The following LRP1B variants were observed in gnomAD, a reference collection of about 807,000 sequenced individuals.
The protein encoded by LRP1B is low-density lipoprotein receptor-related protein 1B.
Under a neutral mutation model 556.6 loss-of-function variants are expected in LRP1B, and 217 were observed. The ratio of observed to expected loss-of-function variants is 0.39; its 90% confidence interval spans 0.35 to 0.44. The LOEUF is 0.44. Ranked by LOEUF, LRP1B falls within the 20% of genes least tolerant of loss-of-function variation. The probability of loss-of-function intolerance (pLI) is 1.00; values close to 1 mark genes in which losing one functional copy is unlikely to be tolerated. For missense variants in LRP1B, 5,053 were observed against 5,620.8 expected, an observed-to-expected ratio of 0.90 and a Z score of 3.23; for synonymous variants, 2,047 against 1,865.8, an observed-to-expected ratio of 1.10 and a Z score of -2.50.
At chr2:141,633,166 A>T (rs2105351954) in intron 2 of LRP1B, among the ~76,000 whole-genome samples, 1 of 152,254 alleles carries the variant, frequency 6.6e-6, no homozygotes, top group South Asian at 2.1e-4. Context: ...TAAACACAGA[A>T]AAACTGCATA....
At chr2:141,851,218 G>C (rs778191898) in intron 1 of LRP1B, among the ~76,000 whole-genome samples, 2 of 151,742 alleles carry the variant, frequency 1.3e-5, no homozygotes, top group Admixed American at 6.6e-5. Flanking sequence ...TCATCTCAAA[G>C]GAATATATGA....
chr2:141,127,272 C>G (rs548471321), intron 7 of LRP1B, among the ~76,000 whole-genome samples: 4 of 152,092 alleles, frequency 2.6e-5, no homozygotes, highest in South Asian at 4.1e-4. Flanking sequence ...CAGATAGGAA[C>G]GCTTTTACAT....
intron 2 of LRP1B, among the ~76,000 whole-genome samples, chr2:141,505,749 T>G (rs996452740): frequency 6.6e-6 from 1 of 152,052 alleles, no homozygotes; most frequent in Admixed American, 6.6e-5. Flanking sequence ...AGTAACACAT[T>G]CTGCTTGGTA....
In LRP1B at chr2:140,681,212, C is replaced by T. The variant is rs79891991; in HGVS notation, c.6799+19038G>A. On this transcript the variant is annotated intron_variant, in intron 41 of 90. Transcript: ENST00000389484. ...TTCAGACTTTCCAAATGAAGAGTGC[C>T]GAAGAAACACTGAATCACATATTCC... Among the ~76,000 whole-genome samples, 328 of 151,888 alleles carry T rather than the reference C, an allele frequency of 2.2e-3. 4 individuals are homozygous for T. Among genetic ancestry groups the T allele is most frequent in the Admixed American group, 0.018 (273 of 15,240 alleles).
At chr2:140,549,352 A>C (rs1680461472) in intron 43 of LRP1B, among the ~76,000 whole-genome samples, 1 of 152,164 alleles carries the variant, frequency 6.6e-6, no homozygotes. Context: ...AGTATTCACC[A>C]ATTTGGACTA....
chr2:140,451,708 A>G (rs1486919728), intron 62 of LRP1B, among the ~76,000 whole-genome samples: 1 of 152,118 alleles, frequency 6.6e-6, no homozygotes, highest in Non-Finnish European at 1.5e-5. Flanking sequence ...AATACACATG[A>G]TCTTTTAGGA....
chr2:141,447,714 C>T (rs1162571860), intron 3 of LRP1B, among the ~76,000 whole-genome samples: 1 of 152,188 alleles, frequency 6.6e-6, no homozygotes, highest in East Asian at 1.9e-4. Flanking sequence ...CCACTCCAGA[C>T]CCTGTTTGCC....
chr2:140,599,902 C>T (rs760965376), intron 42 of LRP1B, among the ~76,000 whole-genome samples: 109 of 151,834 alleles, frequency 7.2e-4, no homozygotes, highest in Admixed American at 3.3e-4. Context: ...CTTTGATTTG[C>T]GATTTAGGAT....
chr2:140,560,711 A>G (rs1215349308), intron 43 of LRP1B, among the ~76,000 whole-genome samples: 5 of 152,188 alleles, frequency 3.3e-5, no homozygotes, highest in Admixed American at 2.6e-4. Context: ...CTTATCTATA[A>G]TACAGTAAAA....
chr2:141,384,160 C>T (rs1689745246), intron 3 of LRP1B, among the ~76,000 whole-genome samples: 2 of 151,318 alleles, frequency 1.3e-5, no homozygotes, highest in South Asian at 2.1e-4. Context: ...AGTTACATGC[C>T]AAAGCTAAGG....
At position 141,963,501 on chromosome 2, in the gene LRP1B, T is replaced by C. The variant is rs536396365; in HGVS notation, c.83-153100A>G. Reference sequence around the variant, plus strand: ...GAGCCAAAGACAAAAACCACATGATTATCTCAATAGATGCAGAAAAAGCCT... The same window carrying C: ...GAGCCAAAGACAAAAACCACATGATCATCTCAATAGATGCAGAAAAAGCCT... On this transcript the variant is annotated intron_variant, in intron 1 of 90. Transcript: ENST00000389484. 5.0e-4 allele frequency among the ~76,000 whole-genome samples: 76 copies of C among 151,830 alleles called. No homozygotes were observed. The East Asian group carries it at 0.014, about 28-fold the overall frequency.
intron 2 of LRP1B, among the ~76,000 whole-genome samples, chr2:141,694,416 A>AG (rs776963183): frequency 2.6e-5 from 4 of 152,088 alleles, no homozygotes; most frequent in Non-Finnish European, 5.9e-5. Context: ...ACATGGCCTG[A>AG]GTGCATAATG....
At chr2:140,795,982 A>G (rs1690295979) in intron 32 of LRP1B, among the ~76,000 whole-genome samples, 1 of 151,990 alleles carries the variant, frequency 6.6e-6, no homozygotes, top group Non-Finnish European at 1.5e-5. Context: ...TCCACTCTAA[A>G]CACTGTACTA....
chr2:141,273,184 C>G (rs1279744049), intron 3 of LRP1B, among the ~76,000 whole-genome samples: 2 of 152,036 alleles, frequency 1.3e-5, no homozygotes, highest in East Asian at 3.9e-4. Flanking sequence ...TGGCTCATGC[C>G]TGTACTCCCA....
Position 140,464,004 on chromosome 2 carries a change from T to C in LRP1B, c.9626-6353A>G, listed in dbSNP as rs577020194. 5.3e-5 allele frequency among the ~76,000 whole-genome samples: 8 copies of C among 152,158 alleles called. No individual in the cohort carries two copies. The East Asian group carries it at 1.6e-3, about 30-fold the overall frequency. The stretch of plus-strand genomic sequence containing the variant: ...TGAGGTCAGGAGTTCGAGACCAGCC[T>C]GGCCAATATGGTGAACCAACATCTC... On this transcript the variant is annotated intron_variant, in intron 60 of 90. Coordinates refer to ENST00000389484, the MANE Select transcript of LRP1B (RefSeq NM_018557.3).
At chr2:141,849,446 A>G (rs953588864) in intron 1 of LRP1B, among the ~76,000 whole-genome samples, 3 of 151,720 alleles carry the variant, frequency 2.0e-5, no homozygotes, top group African/African-American at 7.2e-5. Context: ...AAAGAAATAC[A>G]TTATGCCCAA....
At position 141,024,349 on chromosome 2, in the gene LRP1B, C is replaced by A. The variant is rs547496437; in HGVS notation, c.1790-4247G>T. On this transcript the variant is annotated intron_variant, in intron 11 of 90. Transcript: ENST00000389484. ...ATACACAAGCCATTCTCACTCAGAA[C>A]AAAATACCTTGATGTTGTATTCAAA... Among the ~76,000 whole-genome samples the A allele has an allele frequency of 5.9e-5, 9 of 152,068 alleles. No homozygotes were observed. The South Asian group carries it at 1.7e-3, about 28-fold the overall frequency.
intron 18 of LRP1B, among the ~76,000 whole-genome samples, chr2:140,970,091 T>C (rs1696366716): frequency 6.6e-6 from 1 of 152,182 alleles, no homozygotes; most frequent in Non-Finnish European, 1.5e-5. Context: ...TTGGGGAAGT[T>C]CTCCTGGATA....
chr2:140,345,769 CATAT>C (rs1351068335), intron 77 of LRP1B, among the ~76,000 whole-genome samples: 1 of 125,760 alleles, frequency 8.0e-6, no homozygotes, highest in Non-Finnish European at 1.7e-5. Context: ...CATATATACA[CATAT>C]ATATACATAT....
Sources: gnomAD v4.1 joint callset for allele counts (sites outside exome capture counted in the v4.1 genomes callset) on GRCh38, gnomAD v4.1.1 for gene constraint, MANE v1.5 for transcripts, NCBI Gene and HGNC (gene_info 2026-07-23, HGNC 2026-07-21) for gene names.